ACER3: variants seen among roughly 807,000 people sequenced by gnomAD.
The protein encoded by ACER3 is alkCDase 3.
ACER3 carries 16 observed loss-of-function variants against 48.9 expected under a neutral mutation model. The observed-to-expected ratio is 0.33, with a 90% CI of 0.22 to 0.50. ACER3 has a LOEUF of 0.50. Ranked by LOEUF, ACER3 falls within the 20% of genes least tolerant of loss-of-function variation. ACER3 has a pLI of 0.98. For synonymous variants in ACER3, 109 were observed against 107.8 expected (o/e 1.01, Z -0.07); for missense variants, 227 against 326.0 (o/e 0.70, Z 2.34).
intron 1 of ACER3, among the ~76,000 whole-genome samples, chr11:76,884,346 T>C (rs546452768): frequency 2.6e-4 from 39 of 152,356 alleles, no homozygotes; most frequent in African/African-American, 9.4e-4. Context: ...TGCTACCTAG[T>C]TGTTCAATGC....
At chr11:76,996,227 T>C (rs1390739732) in intron 6 of ACER3, among the ~76,000 whole-genome samples, 2 of 152,082 alleles carry the variant, frequency 1.3e-5, no homozygotes, top group African/African-American at 4.8e-5. Context: ...TCCCCTGATA[T>C]TACCCTAGTT....
intron 3 of ACER3, among the ~76,000 whole-genome samples, chr11:76,968,990 A>G (rs1948219348): frequency 6.6e-6 from 1 of 152,222 alleles, no homozygotes; most frequent in South Asian, 2.1e-4. Context: ...AGAAACTACC[A>G]TCAGAGTGAA....
At chr11:76,926,535 T>C (rs1946834425) in intron 1 of ACER3, 22 bp from the exon 2 acceptor site, 1 of 1,451,844 alleles carries the variant, frequency 6.9e-7, no homozygotes, top group Non-Finnish European at 9.6e-7. Context: ...CCTAAATGTC[T>C]TCTTATATTT....
At chr11:76,919,238 T>C (rs966227653) in intron 1 of ACER3, among the ~76,000 whole-genome samples, 4 of 152,222 alleles carry the variant, frequency 2.6e-5, no homozygotes, top group African/African-American at 9.6e-5. Flanking sequence ...TTCAGCCAAA[T>C]GTTGGAAAAC....
At chr11:76,867,595 T>A (rs1945128775) in intron 1 of ACER3, among the ~76,000 whole-genome samples, 1 of 151,576 alleles carries the variant, frequency 6.6e-6, no homozygotes, top group African/African-American at 2.4e-5. Context: ...CAAAAACATA[T>A]TTGATCATGG....
chr11:76,864,893 C>T (rs7109935), intron 1 of ACER3, among the ~76,000 whole-genome samples: 3,128 of 150,616 alleles, frequency 0.021, 110 homozygotes, highest in African/African-American at 0.073. Flanking sequence ...ACTTCCATGC[C>T]CAGTTGTCTT....
rs782154250 is a variant in ACER3 at position 77,025,961 on chromosome 11, CAT to C, written c.*5635_*5636del. 2.6e-5 allele frequency: 4 copies of C among 152,178 alleles called. No homozygotes were observed. Among genetic ancestry groups the C allele is most frequent in the African/African-American group, 4.8e-5 (2 of 41,442 alleles). The allele number at this position is 152,178 out of a possible 1,614,324, so 9.4% of individuals were successfully genotyped here. ...CATCTCATGTCTTTGAATGTAATCA[CAT>C]GATTTGTATTTAATATTTACATGAC... is the stretch of plus-strand genomic sequence containing the variant. On this transcript the variant is annotated 3_prime_UTR_variant, in exon 11 of 11. Coordinates refer to ENST00000532485, the MANE Select transcript of ACER3 (RefSeq NM_018367.7).
intron 1 of ACER3, among the ~76,000 whole-genome samples, chr11:76,882,789 A>T (rs1196501888): frequency 6.6e-6 from 1 of 152,202 alleles, no homozygotes. Context: ...GCATTTAGTT[A>T]TCTTGACTGA....
At chr11:76,940,795 A>G (rs1436023995) in intron 2 of ACER3, among the ~76,000 whole-genome samples, 1 of 152,118 alleles carries the variant, frequency 6.6e-6, no homozygotes. Context: ...AAGCTTCCTA[A>G]AAGTAGGGTT....
intron 1 of ACER3, among the ~76,000 whole-genome samples, chr11:76,909,046 T>C (rs1946305085): frequency 6.6e-6 from 1 of 152,152 alleles, no homozygotes; most frequent in African/African-American, 2.4e-5. Context: ...TAATAAATGG[T>C]GTTAGGAAAA....
intron 2 of ACER3, chr11:76,957,420 A>G: frequency 2.2e-6 from 1 of 449,096 alleles, no homozygotes; most frequent in Non-Finnish European, 4.5e-6. Flanking sequence ...ATATACATGA[A>G]GTTTAATTTT....
At chr11:76,891,115 TAA>T (rs142772942) in intron 1 of ACER3, among the ~76,000 whole-genome samples, 12 of 147,272 alleles carry the variant, frequency 8.1e-5, no homozygotes, top group African/African-American at 7.6e-5. Flanking sequence ...CAAGACTGTC[TAA>T]AAAAAAAAAA....
chr11:76,978,499 C>T (rs1457640632), intron 4 of ACER3: 1 of 152,288 alleles, frequency 6.6e-6, no homozygotes. Flanking sequence ...CACTTTGGGT[C>T]TCCCAAGAGC....
At chr11:76,995,903 TTC>T (rs1948900075) in intron 6 of ACER3, among the ~76,000 whole-genome samples, 1 of 152,192 alleles carries the variant, frequency 6.6e-6, no homozygotes. Context: ...ATGCTGACAG[TTC>T]TGTTTCTTCA....
chr11:76,871,107 C>T (rs565128556), intron 1 of ACER3, among the ~76,000 whole-genome samples: 1 of 152,256 alleles, frequency 6.6e-6, no homozygotes, highest in African/African-American at 2.4e-5. Flanking sequence ...AGTGGCAAAG[C>T]GAAGATTTAA....
At chr11:76,915,335 C>T (rs181329552) in intron 1 of ACER3, among the ~76,000 whole-genome samples, 49 of 152,132 alleles carry the variant, frequency 3.2e-4, no homozygotes, top group Admixed American at 2.8e-3. Flanking sequence ...TTCTCATGCC[C>T]CGTGCTTTCC....
At position 77,025,843 on chromosome 11, in the gene ACER3, T is replaced by G. The variant is rs1949544196; in HGVS notation, c.*5516T>G. Reference sequence around the variant, plus strand: ...TCTAGACTGTCAGCAAGTGGTACAGTGGTACAGTACAGTGGTACTGCCCAA... The same window carrying G: ...TCTAGACTGTCAGCAAGTGGTACAGGGGTACAGTACAGTGGTACTGCCCAA... On this transcript the variant is annotated 3_prime_UTR_variant, in exon 11 of 11. Coordinates refer to ENST00000532485, the MANE Select transcript of ACER3 (RefSeq NM_018367.7). 6.6e-6 allele frequency: 1 copy of G among 152,238 alleles called. No homozygotes were observed. Among genetic ancestry groups the G allele is most frequent in the Non-Finnish European group, 1.5e-5 (1 of 68,058 alleles). 9.4% of individuals were successfully genotyped at this position (152,238 alleles called of 1,614,324 possible). A position where few individuals can be genotyped will look rare whatever the true frequency, so the allele number is the denominator to read the frequency against.
At chr11:76,994,289 C>G (rs1948870461) in intron 6 of ACER3, 1 of 397,908 alleles carries the variant, frequency 2.5e-6, no homozygotes, top group East Asian at 7.5e-5. Context: ...ACCATCACGC[C>G]AGGCTAATTT....
intron 7 of ACER3, among the ~76,000 whole-genome samples, chr11:77,010,348 T>C (rs1350592191): frequency 6.6e-6 from 1 of 151,138 alleles, no homozygotes; most frequent in Non-Finnish European, 1.5e-5. Flanking sequence ...ACTTTCTGTC[T>C]AATTTTTTTA....
Sources: gnomAD v4.1 joint callset for allele counts (sites outside exome capture counted in the v4.1 genomes callset) on GRCh38, gnomAD v4.1.1 for gene constraint, MANE v1.5 for transcripts, NCBI Gene and HGNC (gene_info 2026-07-23, HGNC 2026-07-21) for gene names.